The following TOP3A variants were observed in gnomAD, a reference collection of about 807,000 sequenced individuals.
TOP3A encodes DNA topoisomerase III alpha, also known as DNA topoisomerase 3-alpha.
TOP3A carries 64 observed loss-of-function variants against 111.3 expected under a neutral mutation model. That is an observed-to-expected ratio of 0.57 (90% CI 0.47 to 0.71). TOP3A has a LOEUF of 0.71. Among genes scored for constraint, TOP3A ranks in the 30% least tolerant of loss-of-function variants. TOP3A has a pLI of 0.00. For missense variants in TOP3A, 1,104 were observed against 1,285.0 expected (o/e 0.86, Z 2.15); for synonymous variants, 484 against 485.1 (o/e 1.00, Z 0.03).
intron 9 of TOP3A, among the ~76,000 whole-genome samples, chr17:18,297,935 G>C (rs1324850291): frequency 2.0e-5 from 3 of 150,482 alleles, no homozygotes; most frequent in African/African-American, 7.4e-5. Flanking sequence ...TCTGGAAAGT[G>C]AGGAGCGTCT....
At chr17:18,291,077 A>G in intron 11 of TOP3A, 50 bp from the exon 12 acceptor site, 1 of 1,578,094 alleles carries the variant, frequency 6.3e-7, no homozygotes, top group East Asian at 2.2e-5. Flanking sequence ...TCACCTCTCA[A>G]GGACAGGAGC....
At chr17:18,285,777 A>T (rs1298242001) in intron 13 of TOP3A, among the ~76,000 whole-genome samples, 1 of 152,040 alleles carries the variant, frequency 6.6e-6, no homozygotes, top group Non-Finnish European at 1.5e-5. Context: ...TCTCTTCCCC[A>T]TGTGTCCAAG....
chr17:18,310,716 A>G (rs1050661223), intron 1 of TOP3A, among the ~76,000 whole-genome samples: 4 of 152,200 alleles, frequency 2.6e-5, no homozygotes, highest in Non-Finnish European at 4.4e-5. Flanking sequence ...TGGCACATTT[A>G]GTGGACAAAA....
At chr17:18,280,173 A>ATTT (rs144409807) in intron 17 of TOP3A, 38 of 108,078 alleles carry the variant, frequency 3.5e-4, no homozygotes, top group African/African-American at 6.2e-4. Flanking sequence ...TTTAAATAAA[A>ATTT]ATTTTTTTTT....
At position 18,274,046 on chromosome 17, in the gene TOP3A, C is replaced by T. The variant is rs1344538664; in HGVS notation, c.*756G>A. 1.3e-5 allele frequency: 2 copies of T among 152,244 alleles called. No homozygotes were observed. The highest frequency in any genetic ancestry group is 1.5e-5 in the Non-Finnish European group (1 of 68,072). 9.4% of individuals were successfully genotyped at this position (152,244 alleles called of 1,614,324 possible). A position where few individuals can be genotyped will look rare whatever the true frequency, so the allele number is the denominator to read the frequency against. On this transcript the variant is annotated 3_prime_UTR_variant, in exon 19 of 19. Transcript: ENST00000321105. ...CCGCCTCCCGGGTTCAAGCAATTCT[C>T]CTGCCTCAGCCTCCTGAGTAGCCGG...
chr17:18,285,548 G>A, intron 13 of TOP3A, 28 bp from the exon 14 acceptor site: 1 of 1,603,826 alleles, frequency 6.2e-7, no homozygotes, highest in Non-Finnish European at 8.5e-7. Flanking sequence ...GTTACTCTGA[G>A]GTAATACAGA....
intron 1 of TOP3A, among the ~76,000 whole-genome samples, chr17:18,310,068 T>C (rs948121657): frequency 6.6e-6 from 1 of 151,964 alleles, no homozygotes; most frequent in African/African-American, 2.4e-5. Context: ...CAAATGTCCA[T>C]CAACTGATGT....
At chr17:18,306,033 C>A (rs1430334594) in intron 4 of TOP3A, among the ~76,000 whole-genome samples, 1 of 151,804 alleles carries the variant, frequency 6.6e-6, no homozygotes, top group Non-Finnish European at 1.5e-5. Flanking sequence ...GAAACCCCAT[C>A]TCTGTTAAAA....
At chr17:18,307,803 G>C (rs1183323860) in intron 3 of TOP3A, among the ~76,000 whole-genome samples, 2 of 150,960 alleles carry the variant, frequency 1.3e-5, no homozygotes, top group African/African-American at 2.4e-5. Flanking sequence ...CCAGTTACTT[G>C]GGAAACTGAG....
intron 1 of TOP3A, among the ~76,000 whole-genome samples, chr17:18,314,244 A>G (rs1982102886): frequency 6.6e-6 from 1 of 152,154 alleles, no homozygotes; most frequent in Admixed American, 6.5e-5. Flanking sequence ...TTCCCAAATG[A>G]ATTTCTGAAT....
At chr17:18,297,912 C>T (rs950377801) in intron 9 of TOP3A, among the ~76,000 whole-genome samples, 1 of 151,238 alleles carries the variant, frequency 6.6e-6, no homozygotes, top group Non-Finnish European at 1.5e-5. Context: ...AGCCCCTCTG[C>T]CTGGCTGCCC....
intron 5 of TOP3A, among the ~76,000 whole-genome samples, chr17:18,304,709 C>T (rs1981448085): frequency 6.6e-6 from 1 of 151,856 alleles, no homozygotes; most frequent in African/African-American, 2.4e-5. Context: ...TCTATTTTTG[C>T]TTCCATTAAC....
chr17:18,296,926 G>A (rs1406821264), intron 9 of TOP3A, among the ~76,000 whole-genome samples: 1 of 152,096 alleles, frequency 6.6e-6, no homozygotes, highest in Non-Finnish European at 1.5e-5. Flanking sequence ...ATTATTTAAA[G>A]CAATATTTAT....
intron 1 of TOP3A, among the ~76,000 whole-genome samples, chr17:18,310,096 G>T (rs1003937761): frequency 1.3e-5 from 2 of 152,014 alleles, no homozygotes; most frequent in African/African-American, 4.8e-5. Flanking sequence ...AATGAAATAT[G>T]ATCTATCCAT....
chr17:18,296,292 A>C (rs1206634077), intron 9 of TOP3A, among the ~76,000 whole-genome samples: 1 of 152,064 alleles, frequency 6.6e-6, no homozygotes, highest in Non-Finnish European at 1.5e-5. Flanking sequence ...ACTATATAAA[A>C]TCAATGCAGC....
In TOP3A at chr17:18,290,663, T is replaced by A. The variant is rs758789586; in HGVS notation, c.1491A>T (p.Gly497=). The part of the protein sequence containing the change: ...SDKILPVYEQ[G]SHFQPSTVEM... ...CCACGGTGCTGGGCTGAAAGTGGGA[T>A]CCTTGCTCATAGACAGGGAGGATCT... Residue 497 remains glycine, a synonymous_variant, in exon 13 of 19, where the codon GGA becomes GGT. Transcript: ENST00000321105. The A allele has an allele frequency of 6.2e-7, 1 of 1,606,872 alleles. No homozygotes were observed. The highest frequency in any genetic ancestry group is 8.5e-7 in the Non-Finnish European group (1 of 1,175,434).
intron 18 of TOP3A, 67 bp from the exon 19 acceptor site, chr17:18,275,047 G>A (rs908317097): frequency 1.2e-5 from 18 of 1,554,442 alleles, no homozygotes; most frequent in African/African-American, 4.1e-5. Context: ...TCCTGAACAC[G>A]GTGGCTCATG....
At chr17:18,313,859 A>G (rs1184116659) in intron 1 of TOP3A, among the ~76,000 whole-genome samples, 2 of 152,222 alleles carry the variant, frequency 1.3e-5, no homozygotes, top group African/African-American at 4.8e-5. Flanking sequence ...ATGCTCTTAG[A>G]AAAGTTCTCC....
chr17:18,308,213 T>G (rs1318907570), intron 3 of TOP3A, 138 bp downstream of exon 3: 1 of 476,732 alleles, frequency 2.1e-6, no homozygotes, highest in African/African-American at 2.4e-5. Context: ...CTCTGAAACT[T>G]TGTCTCCAAC....
Sources: gnomAD v4.1 joint callset for allele counts (sites outside exome capture counted in the v4.1 genomes callset) on GRCh38, gnomAD v4.1.1 for gene constraint, MANE v1.5 for transcripts, NCBI Gene and HGNC (gene_info 2026-07-23, HGNC 2026-07-21) for gene names.